OSBPL3: variants seen among roughly 807,000 people sequenced by gnomAD.
The protein encoded by OSBPL3 is oxysterol binding protein like 3.
In OSBPL3, 65 loss-of-function variants were observed where a neutral mutation model predicts 120.1. The observed-to-expected ratio is 0.54, with a 90% confidence interval of 0.44 to 0.67. OSBPL3 has a LOEUF of 0.67. Ranked by LOEUF, OSBPL3 falls within the 30% of genes least tolerant of loss-of-function variation. The probability of loss-of-function intolerance (pLI) is 0.00; values close to 1 mark genes in which losing one functional copy is unlikely to be tolerated. For missense variants in OSBPL3, 1,004 were observed against 1,082.1 expected, an observed-to-expected ratio of 0.93 and a Z score of 1.01; for synonymous variants, 416 against 402.6, an observed-to-expected ratio of 1.03 and a Z score of -0.40.
intron 1 of OSBPL3, among the ~76,000 whole-genome samples, chr7:24,979,636 G>C (rs1378787004): frequency 6.6e-6 from 1 of 152,130 alleles, no homozygotes; most frequent in Non-Finnish European, 1.5e-5. Flanking sequence ...TCAATCCTCT[G>C]AGCCGTCCCT....
intron 1 of OSBPL3, among the ~76,000 whole-genome samples, chr7:24,915,606 C>T (rs1809442557): frequency 6.7e-6 from 1 of 150,068 alleles, no homozygotes; most frequent in Admixed American, 6.6e-5. Flanking sequence ...GACAGTCTCA[C>T]TCTGTCACCC....
chr7:24,819,685 T>C lies in OSBPL3; in HGVS notation c.1948+490A>G, dbSNP rs906529398. On this transcript the variant is annotated intron_variant, in intron 17 of 22. Transcript: ENST00000313367. This position sits in a 1 kb window ranked among gnomAD's most constrained non-coding sequence, Gnocchi z 4.1. Reference sequence around the variant, plus strand: ...CTACAGTACACTTTTTTTTAATAAATTGAGAGATTAACAAAATTAATCCAT... The same window carrying C: ...CTACAGTACACTTTTTTTTAATAAACTGAGAGATTAACAAAATTAATCCAT... Among the ~76,000 whole-genome samples, 6 of 152,174 alleles carry C rather than the reference T, an allele frequency of 3.9e-5. No individual in the cohort carries two copies. Among genetic ancestry groups the C allele is most frequent in the African/African-American group, 1.4e-4 (6 of 41,434 alleles).
intron 1 of OSBPL3, among the ~76,000 whole-genome samples, chr7:24,963,824 G>C (rs1019669976): frequency 1.3e-5 from 2 of 152,158 alleles, no homozygotes; most frequent in Admixed American, 1.3e-4. Context: ...TGTAGTGGGT[G>C]ATGAAATCAA....
In OSBPL3 at chr7:24,913,209, C is replaced by T. The variant is rs1191494624; in HGVS notation, c.-149-20588G>A. Among the ~76,000 whole-genome samples the T allele has an allele frequency of 6.6e-6, 1 of 152,198 alleles. No individual in the cohort carries two copies. Among genetic ancestry groups the T allele is most frequent in the Non-Finnish European group, 1.5e-5 (1 of 68,048 alleles). On this transcript the variant is annotated intron_variant, in intron 1 of 22. Transcript: ENST00000313367. This position sits in a 1 kb window ranked among gnomAD's most constrained non-coding sequence, Gnocchi z 5.3. ...ATACATAAATATTGTCATTAACCTA[C>T]CAGTTCATCGTCATTGTCTCAATTT... is the stretch of plus-strand genomic sequence containing the variant.
At chr7:24,850,677 T>C (rs977113646) in intron 11 of OSBPL3, among the ~76,000 whole-genome samples, 1 of 152,220 alleles carries the variant, frequency 6.6e-6, no homozygotes, top group Non-Finnish European at 1.5e-5. Flanking sequence ...TCTGGAGCAC[T>C]AACTTTATTC....
rs1816306794 is a variant in OSBPL3 at position 24,965,793 on chromosome 7, C to T, written c.-150+14093G>A. Among the ~76,000 whole-genome samples, 1 of 152,154 alleles carries T rather than the reference C, an allele frequency of 6.6e-6. No individual in the cohort carries two copies. Among genetic ancestry groups the T allele is most frequent in the Non-Finnish European group, 1.5e-5 (1 of 68,022 alleles). On this transcript the variant is annotated intron_variant, in intron 1 of 22. Coordinates refer to ENST00000313367, the MANE Select transcript of OSBPL3 (RefSeq NM_015550.4). This position sits in a 1 kb window ranked among gnomAD's most constrained non-coding sequence, Gnocchi z 4.3. ...TTTGAACTCCTAACCTCAAGCAATCCTCCCACCTCAGCCTCCCAAAGTGTT... is the reference window on the plus strand; with the variant it reads ...TTTGAACTCCTAACCTCAAGCAATCTTCCCACCTCAGCCTCCCAAAGTGTT...
chr7:24,846,977 G>A (rs1420783166), intron 12 of OSBPL3, among the ~76,000 whole-genome samples: 1 of 151,508 alleles, frequency 6.6e-6, no homozygotes, highest in African/African-American at 2.4e-5. Context: ...GCAGAATGGC[G>A]TGAACCCGGG....
At position 24,830,922 on chromosome 7, in the gene OSBPL3, A is replaced by T; in HGVS notation, c.1747-17T>A. The T allele has an allele frequency of 1.3e-6, 2 of 1,578,690 alleles. No homozygotes were observed. Among genetic ancestry groups the T allele is most frequent in the South Asian group, 2.4e-5 (2 of 84,586 alleles). On this transcript the variant is annotated splice_polypyrimidine_tract_variant and intron_variant, in intron 15 of 22. Coordinates refer to ENST00000313367, the MANE Select transcript of OSBPL3 (RefSeq NM_015550.4). This position sits in a 1 kb window ranked among gnomAD's most constrained non-coding sequence, Gnocchi z 4.4. ...CACATATACCTAAGGACAAGAGAAA[A>T]GAACTTTGTCATTTCCGTGTCACCA...
rs564493336 is a variant in OSBPL3 at position 24,975,877 on chromosome 7, G to C, written c.-150+4009C>G. ...TATGAGTTCAGCTTTGAAAGACTTA[G>C]GTTTTCACACGGAGAGAACAGAGAG... On this transcript the variant is annotated intron_variant, in intron 1 of 22. Coordinates refer to ENST00000313367, the MANE Select transcript of OSBPL3 (RefSeq NM_015550.4). 3.9e-5 allele frequency among the ~76,000 whole-genome samples: 6 copies of C among 152,298 alleles called. No individual in the cohort carries two copies. The South Asian group carries it at 1.2e-3, about 32-fold the overall frequency.
chr7:24,898,461 T>A lies in OSBPL3; in HGVS notation c.-149-5840A>T, dbSNP rs1333401537. 6.6e-6 allele frequency among the ~76,000 whole-genome samples: 1 copy of A among 152,078 alleles called. No individual in the cohort carries two copies. The highest frequency in any genetic ancestry group is 1.5e-5 in the Non-Finnish European group (1 of 68,032). On this transcript the variant is annotated intron_variant, in intron 1 of 22. Transcript: ENST00000313367. This position sits in a 1 kb window ranked among gnomAD's most constrained non-coding sequence, Gnocchi z 4.3. ...AAACCATTTTTTTTTTAAATCTTAT[T>A]CTCACTTTTGGCAAGACAGGAGTCA... is the stretch of plus-strand genomic sequence containing the variant.
rs1238576911 is a variant in OSBPL3 at position 24,824,863 on chromosome 7, A to G, written c.1885-4625T>C. The stretch of plus-strand genomic sequence containing the variant: ...AATAATGGAAACCTGTGGGGCTGAG[A>G]GAAGTTCGGAAGTTAACCATGCAGA... On this transcript the variant is annotated intron_variant, in intron 16 of 22. Coordinates refer to ENST00000313367, the MANE Select transcript of OSBPL3 (RefSeq NM_015550.4). The surrounding 1 kb of genome is among the most constrained non-coding windows in gnomAD (Gnocchi z 4.9). Among the ~76,000 whole-genome samples, 1 of 152,144 alleles carries G rather than the reference A, an allele frequency of 6.6e-6. No homozygotes were observed. The highest frequency in any genetic ancestry group is 1.5e-5 in the Non-Finnish European group (1 of 68,018).
intron 1 of OSBPL3, among the ~76,000 whole-genome samples, chr7:24,974,005 A>G (rs1234900165): frequency 6.6e-6 from 1 of 152,232 alleles, no homozygotes; most frequent in Non-Finnish European, 1.5e-5. Flanking sequence ...GTATTACAAT[A>G]TATTCAAAAT....
rs1800206380 is a variant in OSBPL3 at position 24,859,259 on chromosome 7, G to A, written c.1027+2354C>T. Among the ~76,000 whole-genome samples the A allele has an allele frequency of 1.3e-5, 2 of 152,092 alleles. 1 individual carries two copies. Among genetic ancestry groups the A allele is most frequent in the South Asian group, 4.2e-4 (2 of 4,810 alleles). ...CGAAGTAGGAAAGGAAGGCAATAGA[G>A]GGAATATCTTCTCTCTTCCCATATT... On this transcript the variant is annotated intron_variant, in intron 10 of 22. Transcript: ENST00000313367.
At chr7:24,882,131 T>C (rs1411255718) in intron 2 of OSBPL3, among the ~76,000 whole-genome samples, 1 of 152,180 alleles carries the variant, frequency 6.6e-6, no homozygotes, top group African/African-American at 2.4e-5. Context: ...AGTGTATATA[T>C]TTATAGGGTA....
intron 1 of OSBPL3, among the ~76,000 whole-genome samples, chr7:24,917,401 C>CATACATATAT (rs370274395): frequency 6.0e-5 from 6 of 100,050 alleles, no homozygotes; most frequent in East Asian, 6.7e-4. Flanking sequence ...ATATTTGTAA[C>CATACATATAT]ATATATATAT....
intron 7 of OSBPL3, among the ~76,000 whole-genome samples, chr7:24,864,775 G>A (rs1801068996): frequency 6.6e-6 from 1 of 152,172 alleles, no homozygotes; most frequent in Non-Finnish European, 1.5e-5. Context: ...AGCTAATTAA[G>A]GTTGAGAATG....
chr7:24,820,250 A>C lies in OSBPL3; in HGVS notation c.1885-12T>G. The C allele has an allele frequency of 6.2e-7, 1 of 1,604,226 alleles. No individual in the cohort carries two copies. The highest frequency in any genetic ancestry group is 1.3e-5 in the African/African-American group (1 of 74,542). On this transcript the variant is annotated splice_polypyrimidine_tract_variant and intron_variant, in intron 16 of 22. Coordinates refer to ENST00000313367, the MANE Select transcript of OSBPL3 (RefSeq NM_015550.4). The surrounding 1 kb of genome is among the most constrained non-coding windows in gnomAD (Gnocchi z 4.6). ...GGATGGTGGCTGACCTGATGGAAAC[A>C]AAGGACAGAAAAACAAAAAATGAAT...
intron 16 of OSBPL3, among the ~76,000 whole-genome samples, chr7:24,829,081 C>G (rs1796070646): frequency 2.6e-5 from 4 of 152,202 alleles, no homozygotes; most frequent in Admixed American, 2.6e-4. Context: ...AGGACTGAAG[C>G]TCAACTTTAC....
rs1252778473 is a variant in OSBPL3, at chr7:24,863,186, G to A, written c.870+14C>T. The A allele has an allele frequency of 3.1e-6, 5 of 1,595,640 alleles. No individual in the cohort carries two copies. The highest frequency in any genetic ancestry group is 2.2e-5 in the South Asian group (2 of 90,700). Reference sequence around the variant, plus strand: ...CAATGAAGAAACCAGTCTGTCAGGGGAAGCAATGGTTACCTGCAGTGTTCC... The same window carrying A: ...CAATGAAGAAACCAGTCTGTCAGGGAAAGCAATGGTTACCTGCAGTGTTCC... On this transcript the variant is annotated intron_variant, in intron 9 of 22. Transcript: ENST00000313367. The surrounding 1 kb of genome is among the most constrained non-coding windows in gnomAD (Gnocchi z 5.8).
Sources: gnomAD v4.1 joint callset for allele counts (sites outside exome capture counted in the v4.1 genomes callset) on GRCh38, gnomAD v4.1.1 for gene constraint, Gnocchi (gnomAD v3.1) non-coding constraint, MANE v1.5 for transcripts, NCBI Gene and HGNC (gene_info 2026-07-23, HGNC 2026-07-21) for gene names.